DLG2: variants seen among roughly 807,000 people sequenced by gnomAD.
DLG2 encodes the protein discs large MAGUK scaffold protein 2.
DLG2 carries 45 observed loss-of-function variants against 132.5 expected under a neutral mutation model. The ratio of observed to expected loss-of-function variants is 0.34; its 90% CI spans 0.27 to 0.44. DLG2 has a LOEUF of 0.44. Ranked by LOEUF, DLG2 falls within the 20% of genes least tolerant of loss-of-function variation. The pLI, the probability that DLG2 is intolerant of heterozygous loss-of-function variation, is 1.00. For missense variants in DLG2, 1,045 were observed against 1,196.9 expected (o/e 0.87, Z 1.87); for synonymous variants, 424 against 419.6 (o/e 1.01, Z -0.13).
chr11:83,772,429 G>T (rs1241857726), intron 18 of DLG2, among the ~76,000 whole-genome samples: 8 of 81,210 alleles, frequency 9.9e-5, no homozygotes, highest in Admixed American at 3.6e-4. Flanking sequence ...GAAAAGAAAA[G>T]AAAAGAAAAA....
intron 7 of DLG2, among the ~76,000 whole-genome samples, chr11:84,265,861 T>C (rs982985265): frequency 6.6e-6 from 1 of 152,106 alleles, no homozygotes; most frequent in African/African-American, 2.4e-5. Context: ...CTATGGCATA[T>C]CTAGTATTAG....
chr11:84,200,334 C>T (rs1279893750), intron 8 of DLG2, among the ~76,000 whole-genome samples: 1 of 152,028 alleles, frequency 6.6e-6, no homozygotes, highest in Admixed American at 6.6e-5. Context: ...GTTGGAATTT[C>T]AGATTTACAG....
intron 6 of DLG2, among the ~76,000 whole-genome samples, chr11:84,776,891 T>G (rs1339031614): frequency 1.3e-5 from 2 of 152,142 alleles, no homozygotes; most frequent in Non-Finnish European, 2.9e-5. Flanking sequence ...CAAAGATATA[T>G]TTTTCTTTTT....
chr11:85,302,661 A>C (rs960935436), intron 3 of DLG2, among the ~76,000 whole-genome samples: 11 of 152,100 alleles, frequency 7.2e-5, no homozygotes, highest in Non-Finnish European at 1.0e-4. Context: ...AAAAAAAAAA[A>C]AAAACAGTCA....
chr11:83,605,069 G>A lies in DLG2; in HGVS notation c.1940+28142C>T, dbSNP rs374050318. 2.6e-4 allele frequency among the ~76,000 whole-genome samples: 39 copies of A among 148,254 alleles called. No individual in the cohort carries two copies. The East Asian group carries it at 4.9e-3, about 19-fold the overall frequency. On this transcript the variant is annotated intron_variant, in intron 19 of 27. Transcript: ENST00000376104. ...TGATTCACAGCAACCAATCAGAAGG[G>A]GCCCAGTTTAACAGAGCCAGAAGGA...
chr11:84,956,842 C>T (rs2051748685), intron 6 of DLG2, among the ~76,000 whole-genome samples: 1 of 152,150 alleles, frequency 6.6e-6, no homozygotes, highest in Admixed American at 6.5e-5. Flanking sequence ...AATAATTAAA[C>T]TTCAGAAGAG....
At chr11:83,955,014 T>C (rs2086477558) in intron 14 of DLG2, among the ~76,000 whole-genome samples, 1 of 152,352 alleles carries the variant, frequency 6.6e-6, no homozygotes, top group East Asian at 1.9e-4. Flanking sequence ...TACAGTTCCA[T>C]AAATAATTTG....
intron 16 of DLG2, among the ~76,000 whole-genome samples, chr11:83,872,428 A>G (rs544062857): frequency 6.6e-6 from 1 of 152,324 alleles, no homozygotes; most frequent in South Asian, 2.1e-4. Flanking sequence ...GGAATAGAAT[A>G]TATTGTGTTA....
intron 7 of DLG2, among the ~76,000 whole-genome samples, chr11:84,487,738 G>A (rs1003608464): frequency 5.3e-5 from 8 of 152,022 alleles, no homozygotes; most frequent in Admixed American, 5.2e-4. Flanking sequence ...GAAAAACCAT[G>A]GGGATTGTGT....
intron 6 of DLG2, among the ~76,000 whole-genome samples, chr11:84,670,285 C>T (rs2099704323): frequency 6.6e-6 from 1 of 151,732 alleles, no homozygotes; most frequent in Non-Finnish European, 1.5e-5. Context: ...AGAGGGCAGG[C>T]TCTCTCTCTC....
intron 9 of DLG2, among the ~76,000 whole-genome samples, chr11:84,106,355 A>C (rs1482337587): frequency 1.3e-5 from 2 of 152,152 alleles, no homozygotes; most frequent in African/African-American, 4.8e-5. Context: ...ACGATATCTA[A>C]AGATGAACAG....
rs539273130 is a variant in DLG2 at position 85,362,454 on chromosome 11, G to A, written c.41-77089C>T. On this transcript the variant is annotated intron_variant, in intron 3 of 27. Transcript: ENST00000376104. Reference sequence around the variant, plus strand: ...TATAGAATGCTACTGATTTTTTTATGTTGATTTTGTATCCTGCAGCTTTAC... The same window carrying A: ...TATAGAATGCTACTGATTTTTTTATATTGATTTTGTATCCTGCAGCTTTAC... Among the ~76,000 whole-genome samples, 8 of 152,068 alleles carry A rather than the reference G, an allele frequency of 5.3e-5. No homozygotes were observed. In the East Asian group the frequency reaches 1.5e-3, roughly 29 times the overall value.
intron 3 of DLG2, among the ~76,000 whole-genome samples, chr11:85,293,972 T>A (rs1596006291): frequency 6.6e-6 from 1 of 152,282 alleles, no homozygotes; most frequent in East Asian, 1.9e-4. Context: ...CTGGGCATGG[T>A]GGCTAATACC....
At chr11:83,560,655 G>T (rs1443914157) in intron 19 of DLG2, among the ~76,000 whole-genome samples, 1 of 152,112 alleles carries the variant, frequency 6.6e-6, no homozygotes, top group Non-Finnish European at 1.5e-5. Flanking sequence ...CAGAGGATTA[G>T]GTTATATATG....
At chr11:84,240,818 T>C (rs1008991947) in intron 8 of DLG2, among the ~76,000 whole-genome samples, 1 of 152,220 alleles carries the variant, frequency 6.6e-6, no homozygotes, top group Non-Finnish European at 1.5e-5. Context: ...ACCTACAATA[T>C]AGCAGATAAA....
At chr11:84,343,820 A>AT (rs914158941) in intron 7 of DLG2, among the ~76,000 whole-genome samples, 12 of 152,168 alleles carry the variant, frequency 7.9e-5, no homozygotes, top group African/African-American at 1.4e-4. Flanking sequence ...TAAAATTTAC[A>AT]TTTTTTTCCT....
At chr11:85,266,843 T>A (rs1399298288) in intron 4 of DLG2, among the ~76,000 whole-genome samples, 1 of 152,190 alleles carries the variant, frequency 6.6e-6, no homozygotes, top group Non-Finnish European at 1.5e-5. Flanking sequence ...AAGGAGTCAT[T>A]TTACCACAGT....
intron 18 of DLG2, among the ~76,000 whole-genome samples, chr11:83,753,859 T>TC (rs1566832482): frequency 3.6e-4 from 2 of 5,610 alleles, no homozygotes; most frequent in African/African-American, 3.4e-3. Context: ...ATATCATATA[T>TC]ATATTTCATA....
At chr11:84,639,958 T>C (rs908217664) in intron 6 of DLG2, 1 of 197,628 alleles carries the variant, frequency 5.1e-6, no homozygotes, top group Non-Finnish European at 1.0e-5. Flanking sequence ...AATTCTAAAA[T>C]TTTTGCTTCA....
Sources: allele counts gnomAD v4.1 joint callset (sites outside exome capture counted in the v4.1 genomes callset), GRCh38; gene constraint gnomAD v4.1.1; transcripts MANE v1.5; gene names NCBI Gene and HGNC (gene_info 2026-07-23, HGNC 2026-07-21).